The following VDAC1 variants were observed in gnomAD, a reference collection of about 807,000 sequenced individuals.
The protein encoded by VDAC1 is non-selective voltage-gated ion channel VDAC1.
In VDAC1, 10 loss-of-function variants were observed where a neutral mutation model predicts 34.7. The ratio of observed to expected loss-of-function variants is 0.29; its 90% CI spans 0.18 to 0.49. The LOEUF is 0.49. VDAC1 is among the 20% of genes least tolerant of loss of function. The probability of loss-of-function intolerance (pLI) is 0.99; values close to 1 mark genes in which losing one functional copy is unlikely to be tolerated. For missense variants in VDAC1, 230 were observed against 347.9 expected (o/e 0.66, Z 2.69); for synonymous variants, 130 against 136.0 (o/e 0.96, Z 0.30).
chr5:134,006,743 C>CCA (rs1753759783), upstream of VDAC1, among the ~76,000 whole-genome samples: 1 of 113,846 alleles, frequency 8.8e-6, no homozygotes, highest in Non-Finnish European at 1.9e-5. Flanking sequence ...ATTGTCCCCC[C>CCA]CCCCCAAAAA....
chr5:134,020,639 G>T, the VDAC1 span, among the ~76,000 whole-genome samples: 1 of 149,902 alleles, frequency 6.7e-6, no homozygotes, highest in Admixed American at 6.7e-5. Context: ...AGGGATTATG[G>T]AACAGGCTTC....
the VDAC1 span, among the ~76,000 whole-genome samples, chr5:134,070,168 G>C: frequency 2.0e-5 from 3 of 152,106 alleles, no homozygotes; most frequent in Non-Finnish European, 4.4e-5. Flanking sequence ...TGGAGGTGGA[G>C]CCTCGCTCTG....
the VDAC1 span, among the ~76,000 whole-genome samples, chr5:134,013,590 C>A: frequency 1.3e-5 from 2 of 152,124 alleles, no homozygotes; most frequent in Non-Finnish European, 2.9e-5. Context: ...GCTCTAATAT[C>A]CAGAATCTAT....
chr5:134,083,190 C>CTT, the VDAC1 span, among the ~76,000 whole-genome samples: 194 of 125,516 alleles, frequency 1.5e-3, 2 homozygotes, highest in African/African-American at 5.6e-3. Context: ...CTTTTTTTTT[C>CTT]TTTTTTTTTT....
the VDAC1 span, among the ~76,000 whole-genome samples, chr5:134,075,136 T>C: frequency 6.6e-6 from 1 of 152,218 alleles, no homozygotes. Flanking sequence ...CTATTCACAG[T>C]ACTGGCCACA....
chr5:134,052,026 A>C, the VDAC1 span, among the ~76,000 whole-genome samples: 1 of 152,092 alleles, frequency 6.6e-6, no homozygotes, highest in Non-Finnish European at 1.5e-5. Context: ...GAATCTGAGC[A>C]ACAGCGGGTA....
the VDAC1 span, among the ~76,000 whole-genome samples, chr5:134,021,162 C>G: frequency 5.3e-5 from 8 of 151,932 alleles, no homozygotes; most frequent in East Asian, 1.4e-3. Context: ...GCACTCCAGC[C>G]TGCGTGACAG....
chr5:134,004,414 C>T (rs1753680550), intron 1 of VDAC1: 1 of 152,192 alleles, frequency 6.6e-6, no homozygotes, highest in East Asian at 1.9e-4. Context: ...GTCTCTGGAC[C>T]CTCGGCCTCG....
At chr5:134,019,642 C>T in the VDAC1 span, among the ~76,000 whole-genome samples, 5 of 152,118 alleles carry the variant, frequency 3.3e-5, no homozygotes, top group Admixed American at 1.3e-4. Context: ...TCCTTCCAGG[C>T]AGCAACATAA....
the VDAC1 span, among the ~76,000 whole-genome samples, chr5:134,012,807 A>C: frequency 6.6e-6 from 1 of 152,198 alleles, no homozygotes; most frequent in African/African-American, 2.4e-5. Context: ...CAAAAATAAC[A>C]GAATTGGAGG....
chr5:134,043,769 G>A, the VDAC1 span, among the ~76,000 whole-genome samples: 1 of 152,156 alleles, frequency 6.6e-6, no homozygotes, highest in Non-Finnish European at 1.5e-5. Context: ...CTGGGCTCAA[G>A]CGATCCACCC....
the VDAC1 span, among the ~76,000 whole-genome samples, chr5:134,011,962 C>T: frequency 3.3e-5 from 5 of 151,374 alleles, no homozygotes; most frequent in Non-Finnish European, 5.9e-5. Flanking sequence ...AAGAGGAAGA[C>T]AAGAGGGTCA....
chr5:133,999,551 C>G (rs1042323043), intron 1 of VDAC1, among the ~76,000 whole-genome samples: 16 of 152,138 alleles, frequency 1.1e-4, no homozygotes, highest in African/African-American at 3.9e-4. Context: ...GAGGTACTTG[C>G]AGAAGACGGG....
the VDAC1 span, among the ~76,000 whole-genome samples, chr5:134,022,267 C>A: frequency 8.0e-3 from 1,221 of 152,090 alleles, 11 homozygotes; most frequent in African/African-American, 0.027. Context: ...TGAAAAAAAT[C>A]AATTCAGAAA....
chr5:134,069,063 G>A, the VDAC1 span, among the ~76,000 whole-genome samples: 4 of 151,036 alleles, frequency 2.6e-5, no homozygotes, highest in Non-Finnish European at 4.4e-5. Context: ...AGTCCTCTCT[G>A]GGAGTCCCAG....
chr5:134,038,622 T>C, the VDAC1 span, among the ~76,000 whole-genome samples: 1 of 152,160 alleles, frequency 6.6e-6, no homozygotes, highest in South Asian at 2.1e-4. Context: ...TTTGTGAACA[T>C]GAAAATATTT....
the VDAC1 span, among the ~76,000 whole-genome samples, chr5:134,070,594 T>G: frequency 1.3e-5 from 2 of 152,210 alleles, no homozygotes; most frequent in African/African-American, 4.8e-5. Context: ...TGTTGTCTTA[T>G]TTCCTTCCAG....
intron 1 of VDAC1, among the ~76,000 whole-genome samples, chr5:134,003,106 T>C (rs1489302225): frequency 1.3e-5 from 2 of 152,140 alleles, no homozygotes; most frequent in East Asian, 3.8e-4. Flanking sequence ...TCAGTAAAGA[T>C]GGGTGGATTC....
chr5:134,096,883 C>T, the VDAC1 span, among the ~76,000 whole-genome samples: 7 of 152,256 alleles, frequency 4.6e-5, no homozygotes, highest in African/African-American at 1.7e-4. Flanking sequence ...GCCACCGCAC[C>T]AGCCCCATCT....
Sources: gnomAD v4.1 joint callset for allele counts (sites outside exome capture counted in the v4.1 genomes callset) on GRCh38, gnomAD v4.1.1 for gene constraint, MANE v1.5 for transcripts, NCBI Gene and HGNC (gene_info 2026-07-23, HGNC 2026-07-21) for gene names.